WIPF1: variants seen among roughly 807,000 people sequenced by gnomAD.
WIPF1 encodes the protein WAS/WASL interacting protein family member 1.
A neutral mutation model predicts 35.4 loss-of-function variants in WIPF1; 13 were observed. The ratio of observed to expected loss-of-function variants is 0.37; its 90% confidence interval spans 0.24 to 0.58. The LOEUF (loss-of-function observed/expected upper bound fraction) is 0.58. Among genes scored for constraint, WIPF1 ranks in the 20% least tolerant of loss-of-function variants. The pLI is 0.74. For missense variants in WIPF1, 591 were observed against 667.0 expected (o/e 0.89, Z 1.25); for synonymous variants, 267 against 266.3 (o/e 1.00, Z -0.02).
Position 174,568,063 on chromosome 2 carries a change from T to C in WIPF1, c.1140A>G (p.Pro380=), listed in dbSNP as rs1194718967. 6.2e-7 allele frequency: 1 copy of C among 1,612,078 alleles called. No individual in the cohort carries two copies. Among genetic ancestry groups the C allele is most frequent in the East Asian group, 2.2e-5 (1 of 44,876 alleles). ...CGTTTCTGCTTACTGGAGGAGGTGG[T>C]GGGAGGGGGCCTGGAGCAAAAAAAG... ...RDPPGRSGPL[P]PPPPVSRNGS... Residue 380 remains proline (P), a synonymous_variant, in exon 6 of 8, where the codon CCA becomes CCG. Coordinates refer to ENST00000679041, the MANE Select transcript of WIPF1 (RefSeq NM_001375834.1).
Position 174,622,579 on chromosome 2 carries a change from C to T in WIPF1, c.-38-36968G>A, listed in dbSNP as rs1686708929. ...TCCCCTCTCTATGCCGCCAGTGCTC[C>T]GTGGGGTGCGCCTATCCTAACTCAC... On this transcript the variant is annotated intron_variant, in intron 1 of 8. Transcript: ENST00000272746. This position sits in a 1 kb window ranked among gnomAD's most constrained non-coding sequence, Gnocchi z 5.1. Among the ~76,000 whole-genome samples the T allele has an allele frequency of 6.6e-6, 1 of 152,100 alleles. No homozygotes were observed. Among genetic ancestry groups the T allele is most frequent in the South Asian group, 2.1e-4 (1 of 4,824 alleles).
At chr2:174,585,785 A>G (rs1207947366) in intron 1 of WIPF1, among the ~76,000 whole-genome samples, 174 bp from the exon 2 acceptor site, 1 of 152,156 alleles carries the variant, frequency 6.6e-6, no homozygotes, top group Non-Finnish European at 1.5e-5. Flanking sequence ...ATCCCGGCAG[A>G]GGGGCTTCTG....
chr2:174,641,645 C>T (rs2105948018), intron 1 of WIPF1, among the ~76,000 whole-genome samples: 1 of 152,304 alleles, frequency 6.6e-6, no homozygotes, highest in Middle Eastern at 3.4e-3. Context: ...GTAGGCAGAA[C>T]TTGGCTACTC....
intron 1 of WIPF1, among the ~76,000 whole-genome samples, chr2:174,605,571 T>C (rs1161753965): frequency 6.6e-6 from 1 of 152,228 alleles, no homozygotes; most frequent in African/African-American, 2.4e-5. Flanking sequence ...ATATTGATAA[T>C]TGTTAGGTGT....
intron 3 of WIPF1, among the ~76,000 whole-genome samples, chr2:174,578,445 C>CT (rs946989137): frequency 3.4e-4 from 51 of 152,232 alleles, no homozygotes; most frequent in African/African-American, 1.2e-3. Context: ...GGCTCCAAAA[C>CT]TTTTTGGAGA....
In WIPF1 at chr2:174,678,801, G is replaced by A. The variant is rs144032557; in HGVS notation, c.-39+3973C>T. ...GTTTTCCTGGGTAAGCAGATACTGC[G>A]GGCTGGCAGCCCCTCAATACTAAGA... On this transcript the variant is annotated intron_variant, in intron 1 of 8. Coordinates refer to the WIPF1 transcript ENST00000272746. Among the ~76,000 whole-genome samples, 635 of 152,308 alleles carry A rather than the reference G, an allele frequency of 4.2e-3. 5 individuals carry two copies. Among genetic ancestry groups the A allele is most frequent in the Middle Eastern group, 0.024 (7 of 294 alleles).
At chr2:174,611,905 A>AT (rs576846361) in intron 1 of WIPF1, among the ~76,000 whole-genome samples, 26 of 150,922 alleles carry the variant, frequency 1.7e-4, no homozygotes, top group East Asian at 5.8e-4. Context: ...AAATAACTTT[A>AT]TTTTTTTTTG....
chr2:174,610,092 T>C (rs1356710233), intron 1 of WIPF1, among the ~76,000 whole-genome samples: 5 of 152,192 alleles, frequency 3.3e-5, no homozygotes, highest in African/African-American at 1.2e-4. Context: ...GGGAAACAGA[T>C]TGTTGGAAAA....
chr2:174,605,517 C>T (rs921315545), intron 1 of WIPF1, among the ~76,000 whole-genome samples: 1 of 151,918 alleles, frequency 6.6e-6, no homozygotes, highest in Admixed American at 6.5e-5. Flanking sequence ...AAAAATGAGG[C>T]AATTGGAAAT....
chr2:174,563,761 G>T (rs990438400), intron 7 of WIPF1, among the ~76,000 whole-genome samples: 5 of 152,142 alleles, frequency 3.3e-5, no homozygotes, highest in African/African-American at 1.2e-4. Context: ...CAATCAGGTA[G>T]GTCTGCTCTA....
chr2:174,655,532 T>C (rs1056307389), intron 1 of WIPF1: 1 of 152,218 alleles, frequency 6.6e-6, no homozygotes, highest in African/African-American at 2.4e-5. Flanking sequence ...CTCTACTTTC[T>C]ACATCTACTC....
chr2:174,678,731 T>C (rs1317679475), intron 1 of WIPF1, among the ~76,000 whole-genome samples: 1 of 152,272 alleles, frequency 6.6e-6, no homozygotes, highest in Non-Finnish European at 1.5e-5. Flanking sequence ...AGTCTGGTTT[T>C]TGCTTCCTCA....
At chr2:174,610,704 G>GT (rs1255474571) in intron 1 of WIPF1, among the ~76,000 whole-genome samples, 1 of 152,192 alleles carries the variant, frequency 6.6e-6, no homozygotes, top group African/African-American at 2.4e-5. Flanking sequence ...GGCAAGGCAA[G>GT]TTAAGTAGTG....
At chr2:174,639,558 G>T (rs900341742) in intron 1 of WIPF1, among the ~76,000 whole-genome samples, 3 of 151,150 alleles carry the variant, frequency 2.0e-5, no homozygotes, top group Non-Finnish European at 3.0e-5. Context: ...TTTGTTTTTG[G>T]TTTTTTTGTT....
At chr2:174,609,184 TAAAGA>T (rs1383928129) in intron 1 of WIPF1, among the ~76,000 whole-genome samples, 1 of 152,220 alleles carries the variant, frequency 6.6e-6, no homozygotes, top group African/African-American at 2.4e-5. Context: ...TCTCACTCAG[TAAAGA>T]ATTGTCCCAC....
At chr2:174,653,561 C>A (rs1232538408) in intron 1 of WIPF1, among the ~76,000 whole-genome samples, 5 of 151,386 alleles carry the variant, frequency 3.3e-5, no homozygotes, top group African/African-American at 1.2e-4. Context: ...CGGTGAAACA[C>A]CCATCTCTAC....
rs76608806 is a variant in WIPF1 at position 174,669,862 on chromosome 2, T to G, written c.-39+12912A>C. 3.9e-3 allele frequency among the ~76,000 whole-genome samples: 599 copies of G among 152,314 alleles called. 2 individuals are homozygous for G. Among genetic ancestry groups the G allele is most frequent in the South Asian group, 0.014 (70 of 4,828 alleles). On this transcript the variant is annotated intron_variant, in intron 1 of 8. Coordinates refer to the WIPF1 transcript ENST00000272746. ...CTGCACTCCAGCCTGGGTGACAGCATGAAACACTACTTTAAAAACAAATAA... is the reference window on the plus strand; with the variant it reads ...CTGCACTCCAGCCTGGGTGACAGCAGGAAACACTACTTTAAAAACAAATAA...
At chr2:174,618,175 G>A (rs1054680958) in intron 1 of WIPF1, among the ~76,000 whole-genome samples, 1 of 152,188 alleles carries the variant, frequency 6.6e-6, no homozygotes, top group Admixed American at 6.5e-5. Context: ...CCCCTTCTGA[G>A]ATCAACTAGA....
chr2:174,656,094 T>C (rs1019601925), intron 1 of WIPF1: 5 of 152,188 alleles, frequency 3.3e-5, no homozygotes, highest in Admixed American at 6.5e-5. Context: ...AGAGACCACA[T>C]AGAGAGGCCA....
Sources: gnomAD v4.1 joint callset for allele counts (sites outside exome capture counted in the v4.1 genomes callset) on GRCh38, gnomAD v4.1.1 for gene constraint, Gnocchi (gnomAD v3.1) non-coding constraint, MANE v1.5 for transcripts, NCBI Gene and HGNC (gene_info 2026-07-23, HGNC 2026-07-21) for gene names.